The following PRR12 variants were observed in gnomAD, a reference collection of about 807,000 sequenced individuals.
PRR12 encodes the protein proline rich 12.
PRR12 carries 12 observed loss-of-function variants against 138.0 expected under a neutral mutation model. The ratio of observed to expected loss-of-function variants is 0.09; its 90% CI spans 0.06 to 0.14. The LOEUF (loss-of-function observed/expected upper bound fraction) is 0.14. PRR12 is among the 10% of genes least tolerant of loss of function. The probability of loss-of-function intolerance (pLI) is 1.00; values close to 1 mark genes in which losing one functional copy is unlikely to be tolerated. For synonymous variants in PRR12, 1,567 were observed against 1,291.7 expected (o/e 1.21, Z -4.57); for missense variants, 2,692 against 2,861.3 (o/e 0.94, Z 1.35).
intron 4 of PRR12, among the ~76,000 whole-genome samples, chr19:49,598,777 G>A (rs1041161202): frequency 2.0e-5 from 3 of 152,208 alleles, no homozygotes; most frequent in African/African-American, 7.2e-5. Flanking sequence ...AGCTATGATT[G>A]CATCACTGTG....
At chr19:49,606,558 C>T (rs367579020) in intron 6 of PRR12, among the ~76,000 whole-genome samples, 2 of 151,296 alleles carry the variant, frequency 1.3e-5, no homozygotes, top group African/African-American at 2.4e-5. Flanking sequence ...CCGCCTCCCC[C>T]GCCCCCCAAC....
chr19:49,616,162 G>C lies in PRR12; in HGVS notation c.5440G>C (p.Gly1814Arg). The C allele has an allele frequency of 6.4e-7, 1 of 1,559,876 alleles. No individual in the cohort carries two copies. Among genetic ancestry groups the C allele is most frequent in the Non-Finnish European group, 8.7e-7 (1 of 1,152,454 alleles). The change falls in exon 9 of 14, where the codon GGC (glycine) becomes CGC (arginine). Residue 1814 changes from glycine (G) to arginine (R), a missense_variant. Around this residue, in one of 11 missense-constraint regions of PRR12, gnomAD observed 259 missense variants for 265.1 expected, o/e 0.98. Coordinates refer to ENST00000418929, the MANE Select transcript of PRR12 (RefSeq NM_020719.3). This position sits in a 1 kb window ranked among gnomAD's most constrained non-coding sequence, Gnocchi z 4.2. ...EAGGNATAGG[G>R]PPGSSSDSES... ...AGGCGGCAACGCTACAGCAGGCGGG[G>C]GCCCACCAGGCAGCTCCTCGGACTC...
At chr19:49,601,100 G>C (rs1204596922) in intron 5 of PRR12, among the ~76,000 whole-genome samples, 1 of 152,178 alleles carries the variant, frequency 6.6e-6, no homozygotes, top group Admixed American at 6.5e-5. Flanking sequence ...ATACTGGTGA[G>C]CAGGCCAAGG....
In PRR12 at chr19:49,595,793, C is replaced by T; in HGVS notation, c.1458C>T (p.Pro486=). The T allele has an allele frequency of 6.3e-7, 1 of 1,598,676 alleles. No individual in the cohort carries two copies. The highest frequency in any genetic ancestry group is 8.5e-7 in the Non-Finnish European group (1 of 1,174,492). ...SGGPPQPPSG[P]PPPGLATCQS... is the part of the protein sequence containing the mutation. ...GCCCCCCACAGCCCCCCAGCGGCCC[C>T]CCTCCTCCTGGCCTGGCCACATGTC... The change falls in exon 4 of 14, where the codon CCC becomes CCT. Residue 486 remains proline (P), a synonymous_variant. Transcript: ENST00000418929.
Position 49,593,430 on chromosome 19 carries a change from C to T in PRR12, c.190C>T (p.His64Tyr). ...HPLQSYATNHHPAGLSGLFDT... is the reference protein window; with the variant it reads ...HPLQSYATNHYPAGLSGLFDT... ...ACTGCAAAGCTATGCCACCAACCAC[C>T]ACCCGGCAGGTACGGCCCCCATCCC... Residue 64 changes from histidine to tyrosine, a missense_variant, in exon 2 of 14, where the codon CAC becomes TAC. Physicochemically the swap from His to Tyr is moderately conservative, Grantham distance 83 (BLOSUM62 2). Coordinates refer to ENST00000418929, the MANE Select transcript of PRR12 (RefSeq NM_020719.3). 6.3e-7 allele frequency: 1 copy of T among 1,590,624 alleles called. No individual in the cohort carries two copies. Among genetic ancestry groups the T allele is most frequent in the African/African-American group, 1.3e-5 (1 of 74,488 alleles).
At chr19:49,604,856 A>G (rs1447654081) in intron 6 of PRR12, among the ~76,000 whole-genome samples, 1 of 151,916 alleles carries the variant, frequency 6.6e-6, no homozygotes, top group African/African-American at 2.4e-5. Context: ...GGGGATTTCT[A>G]TGCCCGTTTT....
intron 6 of PRR12, 105 bp downstream of exon 6, chr19:49,602,023 G>C (rs183730877): frequency 7.1e-7 from 1 of 1,400,250 alleles, no homozygotes; most frequent in Admixed American, 2.1e-5. Flanking sequence ...AGATCCAGTC[G>C]TGGCCGGGCC....
chr19:49,619,163 A>G, intron 9 of PRR12, among the ~76,000 whole-genome samples: 1 of 150,180 alleles, frequency 6.7e-6, no homozygotes. Flanking sequence ...GCTCTGAGCT[A>G]TCACTCAAGG....
intron 6 of PRR12, among the ~76,000 whole-genome samples, chr19:49,612,197 T>A (rs1599797431): frequency 7.7e-6 from 1 of 129,786 alleles, no homozygotes; most frequent in African/African-American, 3.1e-5. Context: ...GCCACTGCAC[T>A]CCAGCCTGGC....
At chr19:49,603,191 T>C (rs1225610219) in intron 6 of PRR12, among the ~76,000 whole-genome samples, 1 of 152,240 alleles carries the variant, frequency 6.6e-6, no homozygotes, top group East Asian at 1.9e-4. Context: ...AGGATTAATG[T>C]GCAAGGCACT....
At position 49,591,256 on chromosome 19, in the gene PRR12, GGCGAGAGA is replaced by G. The variant is rs939903760; in HGVS notation, c.-393_-386del. On this transcript the variant is annotated 5_prime_UTR_variant, in exon 1 of 14. Coordinates refer to ENST00000418929, the MANE Select transcript of PRR12 (RefSeq NM_020719.3). ...AGGAGGAGGAGGCGGCGGCGGCGGC[GGCGAGAGA>G]GCGAGCACCCAGCGCCTGCACCCAC... is the stretch of plus-strand genomic sequence containing the variant. 2.0e-5 allele frequency among the ~76,000 whole-genome samples: 3 copies of G among 148,794 alleles called. No individual in the cohort carries two copies. The highest frequency in any genetic ancestry group is 4.5e-5 in the Non-Finnish European group (3 of 67,114).
In PRR12 at chr19:49,624,943, A is replaced by C. The variant is rs1244984634; in HGVS notation, c.5821A>C (p.Asn1941His). ...GCTGCGGCCTGCTGGGGAACCCTAC[A>C]ACCGCAAGACGCTCAGCAAGCTCAA... ...VRLRPAGEPY[N>H]RKTLSKLKRS... The change falls in exon 12 of 14, where the codon AAC becomes CAC. Residue 1941 changes from asparagine (N) to histidine (H), a missense_variant. By Grantham distance (68) the Asn-to-His change is moderately conservative (BLOSUM62 1). Around this residue, in one of 11 missense-constraint regions of PRR12, gnomAD observed 116 missense variants for 243.4 expected, o/e 0.48. Transcript: ENST00000418929. 1 of 1,598,376 alleles carries C rather than the reference A, an allele frequency of 6.3e-7. No individual in the cohort carries two copies. The highest frequency in any genetic ancestry group is 8.5e-7 in the Non-Finnish European group (1 of 1,171,408).
chr19:49,599,160 C>T lies in PRR12; in HGVS notation c.3679-112C>T. The T allele has an allele frequency of 8.5e-6, 9 of 1,064,570 alleles. No homozygotes were observed. In the South Asian group the frequency reaches 1.6e-4, roughly 18 times the overall value. 65.9% of individuals were successfully genotyped at this position (1,064,570 alleles called of 1,614,324 possible). A position where few individuals can be genotyped will look rare whatever the true frequency, so the allele number is the denominator to read the frequency against. On this transcript the variant is annotated intron_variant, in intron 4 of 13. Transcript: ENST00000418929. The surrounding 1 kb of genome is among the most constrained non-coding windows in gnomAD (Gnocchi z 5.0). ...GACAAGGGGTCTGCAGGTTTGAATT[C>T]TATAAATTCACAGGCTGAGCACCTG...
At position 49,596,883 on chromosome 19, in the gene PRR12, C is replaced by G. The variant is rs1436155294; in HGVS notation, c.2548C>G (p.Leu850Val). 1 of 1,561,622 alleles carries G rather than the reference C, an allele frequency of 6.4e-7. No individual in the cohort carries two copies. The highest frequency in any genetic ancestry group is 8.6e-7 in the Non-Finnish European group (1 of 1,161,212). The change falls in exon 4 of 14, where the codon CTC becomes GTC. Residue 850 changes from leucine to valine, a missense_variant. This residue lies in a region of PRR12 where 840 missense variants were observed against 689.8 expected (regional missense o/e 1.22). Coordinates refer to ENST00000418929, the MANE Select transcript of PRR12 (RefSeq NM_020719.3). This position sits in a 1 kb window ranked among gnomAD's most constrained non-coding sequence, Gnocchi z 5.6. ...GCCTCCACCACCCATGCCCCTGCAG[C>G]TCGAGGCCCACCTCCGCAGCCATGG... The part of the protein sequence containing the change: ...PPPPPPMPLQ[L>V]EAHLRSHGLE...
Position 49,601,804 on chromosome 19 carries a change from G to T in PRR12, c.4659G>T (p.Glu1553Asp), listed in dbSNP as rs1401907189. 6.2e-7 allele frequency: 1 copy of T among 1,611,922 alleles called. No homozygotes were observed. The highest frequency in any genetic ancestry group is 1.7e-5 in the Admixed American group (1 of 59,968). ...TRPLHLAKKQ[E>D]TAAVCGETDE... is the part of the protein sequence containing the mutation. The stretch of plus-strand genomic sequence containing the variant: ...CCCTGCATCTGGCCAAAAAGCAGGA[G>T]ACGGCGGCAGTGTGTGGGGAGACGG... The change falls in exon 6 of 14, where the codon GAG (glutamate) becomes GAT (aspartate). Residue 1553 changes from glutamate (E) to aspartate (D), a missense_variant. By Grantham distance (45) the Glu-to-Asp change is conservative. This residue lies in a region of PRR12 where 92 missense variants were observed against 174.1 expected (regional missense o/e 0.53). Coordinates refer to ENST00000418929, the MANE Select transcript of PRR12 (RefSeq NM_020719.3).
intron 8 of PRR12, among the ~76,000 whole-genome samples, chr19:49,615,420 G>A (rs968066157): frequency 6.6e-6 from 1 of 151,038 alleles, no homozygotes; most frequent in Non-Finnish European, 1.5e-5. Flanking sequence ...AGAGACCTGG[G>A]GTGGACAGAG....
intron 6 of PRR12, among the ~76,000 whole-genome samples, chr19:49,608,543 G>A (rs777298599): frequency 1.1e-4 from 17 of 151,996 alleles, no homozygotes; most frequent in Non-Finnish European, 2.2e-4. Context: ...GCTAATTTCT[G>A]TATTTTTAGT....
At chr19:49,621,462 C>A in intron 10 of PRR12, 63 bp from the exon 11 acceptor site, 1 of 1,326,636 alleles carries the variant, frequency 7.5e-7, no homozygotes. Context: ...CTCCATGACC[C>A]CACCTTGGCC....
At chr19:49,617,443 CA>C (rs1251775094) in intron 9 of PRR12, among the ~76,000 whole-genome samples, 1 of 152,086 alleles carries the variant, frequency 6.6e-6, no homozygotes, top group Admixed American at 6.5e-5. Context: ...GCCTGGGCAA[CA>C]TAGTGAGACC....
Sources: allele counts gnomAD v4.1 joint callset (sites outside exome capture counted in the v4.1 genomes callset), GRCh38; gene constraint gnomAD v4.1.1; regional missense constraint gnomAD v4.1.1; non-coding constraint Gnocchi (gnomAD v3.1); transcripts MANE v1.5; gene names NCBI Gene and HGNC (gene_info 2026-07-23, HGNC 2026-07-21).